The following ATP10B variants were observed in gnomAD, a reference collection of about 807,000 sequenced individuals.
ATP10B encodes the protein ATPase phospholipid transporting 10B (putative).
Under a neutral mutation model 141.2 loss-of-function variants are expected in ATP10B, and 122 were observed. The observed-to-expected ratio is 0.86, with a 90% CI of 0.75 to 1.00. ATP10B has a LOEUF of 1.00. ATP10B is among the 50% of genes least tolerant of loss of function. ATP10B has a pLI of 0.00. For missense variants in ATP10B, 1,876 were observed against 1,825.3 expected (o/e 1.03, Z -0.51); for synonymous variants, 685 against 692.0 (o/e 0.99, Z 0.16).
chr5:160,780,228 G>A (rs1338087340), intron 2 of ATP10B, among the ~76,000 whole-genome samples: 1 of 152,130 alleles, frequency 6.6e-6, no homozygotes, highest in African/African-American at 2.4e-5. Flanking sequence ...TAAGAGAATG[G>A]AGGAGATAAG....
At chr5:160,628,484 C>T (rs1355086467) in intron 13 of ATP10B, among the ~76,000 whole-genome samples, 1 of 152,132 alleles carries the variant, frequency 6.6e-6, no homozygotes, top group Admixed American at 6.5e-5. Context: ...ACTGGGAGTG[C>T]TGCATAAATC....
At chr5:160,914,355 A>C in the ATP10B span, among the ~76,000 whole-genome samples, 2 of 152,176 alleles carry the variant, frequency 1.3e-5, no homozygotes, top group Non-Finnish European at 2.9e-5. Context: ...ATCCCTCATC[A>C]TCCATGTGAG....
chr5:160,898,364 C>T, the ATP10B span, among the ~76,000 whole-genome samples: 4 of 152,154 alleles, frequency 2.6e-5, no homozygotes, highest in African/African-American at 7.2e-5. Context: ...CAAAAGATGA[C>T]ATTTATGCAG....
intron 2 of ATP10B, among the ~76,000 whole-genome samples, chr5:160,777,800 CTAAA>C (rs1009457123): frequency 1.3e-5 from 2 of 152,110 alleles, no homozygotes; most frequent in Non-Finnish European, 2.9e-5. Context: ...TTAAATCAAC[CTAAA>C]TATTCATCTA....
the ATP10B span, among the ~76,000 whole-genome samples, chr5:160,858,030 G>A: frequency 3.0e-4 from 46 of 151,774 alleles, no homozygotes; most frequent in Non-Finnish European, 5.3e-4. Context: ...TTTATTTGAT[G>A]TAAAATTTTT....
chr5:160,627,683 T>TA (rs2127657030), intron 13 of ATP10B, among the ~76,000 whole-genome samples: 1 of 152,068 alleles, frequency 6.6e-6, no homozygotes, highest in East Asian at 1.9e-4. Flanking sequence ...TAGCAGTCAT[T>TA]AAAAAAAATA....
intron 24 of ATP10B, among the ~76,000 whole-genome samples, chr5:160,579,150 T>C (rs562814978): frequency 3.3e-5 from 5 of 152,370 alleles, no homozygotes; most frequent in Middle Eastern, 3.4e-3. Context: ...TAATAGTTTC[T>C]TTTGCTGTGC....
At chr5:160,879,668 C>A in the ATP10B span, among the ~76,000 whole-genome samples, 2 of 152,022 alleles carry the variant, frequency 1.3e-5, no homozygotes, top group African/African-American at 4.8e-5. Context: ...GAAATCCTGT[C>A]TTTACCAAAA....
intron 24 of ATP10B, among the ~76,000 whole-genome samples, chr5:160,574,793 G>A (rs1196226358): frequency 4.0e-5 from 5 of 123,742 alleles, no homozygotes; most frequent in Non-Finnish European, 8.1e-5. Context: ...TGAGGACACA[G>A]CATTCATCTT....
chr5:160,925,125 C>T, the ATP10B span, among the ~76,000 whole-genome samples: 130 of 152,260 alleles, frequency 8.5e-4, no homozygotes, highest in African/African-American at 2.9e-3. Flanking sequence ...TTTATGTTTC[C>T]TTGAAAGTTT....
chr5:160,873,002 T>C, the ATP10B span, among the ~76,000 whole-genome samples: 2 of 152,344 alleles, frequency 1.3e-5, no homozygotes, highest in African/African-American at 4.8e-5. Context: ...TACCCATCCA[T>C]GAGCACGAGA....
At chr5:160,830,639 A>C (rs1775003750) in intron 1 of ATP10B, among the ~76,000 whole-genome samples, 1 of 152,034 alleles carries the variant, frequency 6.6e-6, no homozygotes, top group Admixed American at 6.6e-5. Context: ...AATTGAGCCA[A>C]ATTTTTATGT....
chr5:160,601,322 C>T (rs937487552), intron 21 of ATP10B, among the ~76,000 whole-genome samples: 2 of 152,196 alleles, frequency 1.3e-5, no homozygotes, highest in African/African-American at 4.8e-5. Flanking sequence ...AATTTTGTAG[C>T]TACTACCTGG....
intron 1 of ATP10B, among the ~76,000 whole-genome samples, chr5:160,840,582 T>C (rs1419934035): frequency 6.6e-6 from 1 of 152,056 alleles, no homozygotes; most frequent in African/African-American, 2.4e-5. Context: ...AAATGTAAAA[T>C]AATGTAACTT....
chr5:160,891,428 G>A, the ATP10B span, among the ~76,000 whole-genome samples: 3 of 152,126 alleles, frequency 2.0e-5, no homozygotes, highest in South Asian at 2.1e-4. Context: ...CTAAAAACCA[G>A]TAAGCTCCAT....
chr5:160,719,355 G>A (rs1256376644), intron 2 of ATP10B, among the ~76,000 whole-genome samples: 4 of 152,196 alleles, frequency 2.6e-5, no homozygotes, highest in South Asian at 2.1e-4. Context: ...AGCCGAGATC[G>A]CGCCGTTGCA....
At chr5:160,733,875 G>A (rs1035791938) in intron 2 of ATP10B, among the ~76,000 whole-genome samples, 2 of 151,750 alleles carry the variant, frequency 1.3e-5, no homozygotes, top group African/African-American at 2.4e-5. Flanking sequence ...GAAGGCCAAG[G>A]AGGTAAGATC....
chr5:160,926,967 G>A, the ATP10B span, among the ~76,000 whole-genome samples: 1 of 152,202 alleles, frequency 6.6e-6, no homozygotes, highest in Admixed American at 6.5e-5. Context: ...CTACATCACT[G>A]TCACACTAAG....
chr5:160,603,484 T>TAAC (rs1757213785), intron 20 of ATP10B: 2 of 165,580 alleles, frequency 1.2e-5, no homozygotes, highest in African/African-American at 4.8e-5. Flanking sequence ...TAGTGTGTTC[T>TAAC]ATGTGTAGCC....
Sources: allele counts gnomAD v4.1 joint callset (sites outside exome capture counted in the v4.1 genomes callset), GRCh38; gene constraint gnomAD v4.1.1; transcripts MANE v1.5; gene names NCBI Gene and HGNC (gene_info 2026-07-23, HGNC 2026-07-21).